Variants in CHAF1A observed in about 807,000 individuals in gnomAD.
CHAF1A encodes chromatin assembly factor 1 subunit A.
Under a neutral mutation model 93.2 loss-of-function variants are expected in CHAF1A, and 5 were observed. The ratio of observed to expected loss-of-function variants is 0.05; its 90% confidence interval spans 0.03 to 0.11. The LOEUF is 0.11. Among genes scored for constraint, CHAF1A ranks in the 10% least tolerant of loss-of-function variants. The probability of loss-of-function intolerance (pLI) is 1.00; values close to 1 mark genes in which losing one functional copy is unlikely to be tolerated. For synonymous variants in CHAF1A, 504 were observed against 510.3 expected (o/e 0.99, Z 0.17); for missense variants, 1,102 against 1,259.9 (o/e 0.87, Z 1.90).
intron 3 of CHAF1A, among the ~76,000 whole-genome samples, chr19:4,410,734 C>T (rs1201945910): frequency 6.6e-6 from 1 of 152,138 alleles, no homozygotes; most frequent in Admixed American, 6.5e-5. Context: ...GCCTGTAGTC[C>T]CAGCCACCTG....
At chr19:4,413,862 T>C (rs1336287377) in intron 3 of CHAF1A, among the ~76,000 whole-genome samples, 1 of 152,212 alleles carries the variant, frequency 6.6e-6, no homozygotes, top group African/African-American at 2.4e-5. Context: ...CCAGGGTCCT[T>C]TGAATAGCTG....
intron 13 of CHAF1A, among the ~76,000 whole-genome samples, chr19:4,437,190 C>T (rs895062500): frequency 1.1e-4 from 16 of 152,134 alleles, no homozygotes; most frequent in African/African-American, 3.9e-4. Flanking sequence ...TGATGCTTAA[C>T]CCCCACCCCT....
At chr19:4,446,668 T>A, downstream of CHAF1A, 1 of 1,612,104 alleles carries the variant, frequency 6.2e-7, no homozygotes, top group Non-Finnish European at 8.5e-7. Context: ...CTCCAGGCTC[T>A]GGGGCTGGGC....
chr19:4,443,221 G>T lies in CHAF1A; in HGVS notation c.*196G>T. Reference sequence around the variant, plus strand: ...TCCCCCAAGAGCCGCATATGAATCTGCCCTTTAATAAAGCATTATTGAGAT... The same window carrying T: ...TCCCCCAAGAGCCGCATATGAATCTTCCCTTTAATAAAGCATTATTGAGAT... On this transcript the variant is annotated 3_prime_UTR_variant, in exon 15 of 15. Coordinates refer to ENST00000301280, the MANE Select transcript of CHAF1A (RefSeq NM_005483.3). 1.7e-6 allele frequency: 1 copy of T among 593,168 alleles called. No individual in the cohort carries two copies. The highest frequency in any genetic ancestry group is 3.0e-5 in the East Asian group (1 of 32,972). 36.7% of individuals were successfully genotyped at this position (593,168 alleles called of 1,614,324 possible). A position where few individuals can be genotyped will look rare whatever the true frequency, so the allele number is the denominator to read the frequency against.
chr19:4,443,062 C>T lies in CHAF1A; in HGVS notation c.*37C>T. ...ACGTATGTAGAATGCTTAGGGTGTC[C>T]TCCCCACAGAGCAGATACTTGAACC... is the stretch of plus-strand genomic sequence containing the variant. On this transcript the variant is annotated 3_prime_UTR_variant, in exon 15 of 15. Coordinates refer to ENST00000301280, the MANE Select transcript of CHAF1A (RefSeq NM_005483.3). 1.5e-6 allele frequency: 2 copies of T among 1,313,412 alleles called. No homozygotes were observed. Among genetic ancestry groups the T allele is most frequent in the Non-Finnish European group, 2.2e-6 (2 of 927,292 alleles). 81.4% of individuals were successfully genotyped at this position (1,313,412 alleles called of 1,614,324 possible).
At chr19:4,430,926 AC>A (rs558653832) in intron 11 of CHAF1A, 84 of 426,200 alleles carry the variant, frequency 2.0e-4, no homozygotes, top group African/African-American at 1.5e-3. Context: ...GCTGGAAACC[AC>A]CCGAGCTGAC....
intron 13 of CHAF1A, 52 bp from the exon 14 acceptor site, chr19:4,442,193 C>T (rs1974403028): frequency 6.8e-7 from 1 of 1,466,904 alleles, no homozygotes; most frequent in Non-Finnish European, 9.6e-7. Flanking sequence ...CGCACTGGCA[C>T]CAGGGTGGCT....
downstream of CHAF1A, chr19:4,448,911 G>C (rs1419951588): frequency 6.1e-6 from 1 of 162,766 alleles, no homozygotes; most frequent in Non-Finnish European, 1.4e-5. Context: ...GCAGGTGGCA[G>C]AGAGGACACA....
At chr19:4,445,982 CTG>C (rs1974503535), downstream of CHAF1A, 3 of 1,531,250 alleles carry the variant, frequency 2.0e-6, no homozygotes, top group Middle Eastern at 1.8e-4. Flanking sequence ...CTGGGGGTGT[CTG>C]TGCCGGTCCC....
At chr19:4,437,888 C>T (rs1239876643) in intron 13 of CHAF1A, among the ~76,000 whole-genome samples, 1 of 152,136 alleles carries the variant, frequency 6.6e-6, no homozygotes, top group African/African-American at 2.4e-5. Context: ...TACAGGCGCC[C>T]ACCACCACGC....
intron 3 of CHAF1A, among the ~76,000 whole-genome samples, chr19:4,410,705 T>C (rs760308457): frequency 2.0e-5 from 3 of 152,114 alleles, no homozygotes; most frequent in African/African-American, 7.2e-5. Flanking sequence ...TTAAAAGTTA[T>C]CCAGGCATGG....
intron 7 of CHAF1A, among the ~76,000 whole-genome samples, chr19:4,426,391 A>T (rs1974082043): frequency 6.6e-6 from 1 of 151,726 alleles, no homozygotes; most frequent in South Asian, 2.1e-4. Flanking sequence ...GATGGTCTCG[A>T]TCTCCTGACC....
intron 3 of CHAF1A, among the ~76,000 whole-genome samples, chr19:4,416,906 TTA>T (rs1973905876): frequency 6.6e-6 from 1 of 151,992 alleles, no homozygotes; most frequent in Non-Finnish European, 1.5e-5. Flanking sequence ...AAAAATAACA[TTA>T]AAATAAAAAG....
At chr19:4,414,879 C>CT (rs1343627356) in intron 3 of CHAF1A, among the ~76,000 whole-genome samples, 1 of 152,182 alleles carries the variant, frequency 6.6e-6, no homozygotes. Flanking sequence ...GAGGTTTTCT[C>CT]TTTTCCCCCC....
At chr19:4,446,273 T>G, downstream of CHAF1A, 3 of 1,570,968 alleles carry the variant, frequency 1.9e-6, no homozygotes, top group Non-Finnish European at 2.6e-6. Context: ...CGGGCATCGT[T>G]GGTGCCCACC....
chr19:4,430,219 T>G (rs1451005472), intron 10 of CHAF1A: 4 of 345,760 alleles, frequency 1.2e-5, no homozygotes. Context: ...ACTCTATCAC[T>G]CAGGCTGGAG....
At chr19:4,427,308 C>T (rs1410236027) in intron 7 of CHAF1A, among the ~76,000 whole-genome samples, 1 of 146,062 alleles carries the variant, frequency 6.8e-6, no homozygotes, top group Non-Finnish European at 1.5e-5. Context: ...CACCACCATG[C>T]CAAGCTAATT....
At chr19:4,438,209 C>T (rs1047430984) in intron 13 of CHAF1A, among the ~76,000 whole-genome samples, 1 of 152,152 alleles carries the variant, frequency 6.6e-6, no homozygotes, top group Non-Finnish European at 1.5e-5. Context: ...CCCACCGTCA[C>T]ATAGGCTCCA....
At chr19:4,416,259 TCA>T (rs1313724480) in intron 3 of CHAF1A, among the ~76,000 whole-genome samples, 4 of 152,226 alleles carry the variant, frequency 2.6e-5, no homozygotes, top group Admixed American at 2.6e-4. Flanking sequence ...TCAGTCAACT[TCA>T]GTCTTACACT....
Sources: gnomAD v4.1 joint callset for allele counts (sites outside exome capture counted in the v4.1 genomes callset) on GRCh38, gnomAD v4.1.1 for gene constraint, MANE v1.5 for transcripts, NCBI Gene and HGNC (gene_info 2026-07-23, HGNC 2026-07-21) for gene names.